GALNT2: variants seen among roughly 807,000 people sequenced by gnomAD.
GALNT2 encodes UDP-GalNAc:polypeptide N-acetylgalactosaminyltransferase 2.
GALNT2 carries 31 observed loss-of-function variants against 81.4 expected under a neutral mutation model. That is an observed-to-expected ratio of 0.38 (90% CI 0.29 to 0.51). The LOEUF (loss-of-function observed/expected upper bound fraction) is 0.51. Ranked by LOEUF, GALNT2 falls within the 20% of genes least tolerant of loss-of-function variation. The pLI is 0.87. For missense variants in GALNT2, 629 were observed against 765.7 expected, an observed-to-expected ratio of 0.82 and a Z score of 2.11; for synonymous variants, 303 against 287.4, an observed-to-expected ratio of 1.05 and a Z score of -0.55.
rs907642351 is a variant in GALNT2, at chr1:230,178,907, T to C, written c.220+596T>C. On this transcript the variant is annotated intron_variant, in intron 2 of 15. Transcript: ENST00000366672. ...AGTCGTTTCACTGCCTTAAGAGTCC[T>C]CCGTGCTCTGCCCATTCATCCTTTG... Among the ~76,000 whole-genome samples the C allele has an allele frequency of 1.3e-4, 19 of 151,266 alleles. 1 individual carries two copies. Among genetic ancestry groups the C allele is most frequent in the Middle Eastern group, 3.4e-3 (1 of 292 alleles).
chr1:230,164,545 T>C (rs535776125), intron 1 of GALNT2, among the ~76,000 whole-genome samples: 1 of 152,008 alleles, frequency 6.6e-6, no homozygotes, highest in Non-Finnish European at 1.5e-5. Context: ...TTTTTCTTTT[T>C]TTTTTTTTTA....
intron 3 of GALNT2, among the ~76,000 whole-genome samples, chr1:230,231,681 A>G (rs1158316475): frequency 6.6e-6 from 1 of 152,230 alleles, no homozygotes; most frequent in East Asian, 1.9e-4. Flanking sequence ...TCAGGTACTG[A>G]AAGCCATCTA....
upstream of GALNT2, among the ~76,000 whole-genome samples, chr1:230,066,976 C>T (rs1274549789): frequency 6.7e-6 from 1 of 149,476 alleles, no homozygotes; most frequent in Non-Finnish European, 1.5e-5. Flanking sequence ...CGCGGCAGTC[C>T]CCTCCCGCGG....
At chr1:230,060,522 T>TCAC (rs1034175616) in intron 1 of GALNT2, among the ~76,000 whole-genome samples, 1 of 151,476 alleles carries the variant, frequency 6.6e-6, no homozygotes, top group Non-Finnish European at 1.5e-5. Context: ...CCCCATCCCC[T>TCAC]CACCACCACC....
chr1:230,173,680 C>T (rs547165363), intron 1 of GALNT2, among the ~76,000 whole-genome samples: 54 of 152,344 alleles, frequency 3.5e-4, no homozygotes, highest in Middle Eastern at 3.4e-3. Flanking sequence ...AGGGAGAAAA[C>T]ACACAGATCT....
chr1:230,158,867 G>C (rs533266505), intron 1 of GALNT2, among the ~76,000 whole-genome samples: 1 of 152,190 alleles, frequency 6.6e-6, no homozygotes, highest in Non-Finnish European at 1.5e-5. Context: ...GTTTGCACAC[G>C]AGGTCGTGAA....
intron 11 of GALNT2, chr1:230,259,519 G>C (rs1199908908): frequency 6.6e-6 from 1 of 152,208 alleles, no homozygotes; most frequent in Non-Finnish European, 1.5e-5. Flanking sequence ...AGTTCACACA[G>C]AGCTGGCTAA....
Position 230,279,446 on chromosome 1 carries a change from C to G in GALNT2, c.1704C>G (p.Asn568Lys), listed in dbSNP as rs774891271. The change falls in exon 16 of 16, where the codon AAC becomes AAG. Residue 568 changes from asparagine (N) to lysine (K), a missense_variant. Physicochemically the swap from Asn to Lys is moderately conservative, Grantham distance 94. This residue lies in a region of GALNT2 where 207 missense variants were observed against 225.5 expected (regional missense o/e 0.92). Coordinates refer to ENST00000366672, the MANE Select transcript of GALNT2 (RefSeq NM_004481.5). This position sits in a 1 kb window ranked among gnomAD's most constrained non-coding sequence, Gnocchi z 4.6. The stretch of plus-strand genomic sequence containing the variant: ...CGCAGCAGTGGAAGTTCACGCTCAA[C>G]CTGCAGCAGTAGGAGGGTCCGGGAG... ...ALSQQWKFTL[N>K]LQQ 12 of 1,613,836 alleles carry G rather than the reference C, an allele frequency of 7.4e-6. No individual in the cohort carries two copies. In the African/African-American group the frequency reaches 1.5e-4, roughly 20 times the overall value.
At chr1:230,094,988 G>A (rs1660209405) in intron 1 of GALNT2, among the ~76,000 whole-genome samples, 1 of 152,208 alleles carries the variant, frequency 6.6e-6, no homozygotes, top group Admixed American at 6.5e-5. Flanking sequence ...CACGGGCCGC[G>A]ATGATGTCGT....
At chr1:230,167,791 T>A (rs1662658753) in intron 1 of GALNT2, among the ~76,000 whole-genome samples, 1 of 152,194 alleles carries the variant, frequency 6.6e-6, no homozygotes, top group Non-Finnish European at 1.5e-5. Flanking sequence ...CTGGCCTCCC[T>A]GCGGCTGCTC....
At position 230,087,936 on chromosome 1, in the gene GALNT2, C is replaced by T. The variant is rs16850881; in HGVS notation, c.126+20530C>T. On this transcript the variant is annotated intron_variant, in intron 1 of 15. Transcript: ENST00000366672. Reference sequence around the variant, plus strand: ...TGAGAATAATAAAAACGATGAACAGCAGATATTAAGTGACAGTTTAGAACA... The same window carrying T: ...TGAGAATAATAAAAACGATGAACAGTAGATATTAAGTGACAGTTTAGAACA... Among the ~76,000 whole-genome samples the T allele has an allele frequency of 7.6e-3, 1,154 of 152,210 alleles. 12 individuals carry two copies. Among genetic ancestry groups the T allele is most frequent in the African/African-American group, 0.026 (1,093 of 41,508 alleles).
At chr1:230,130,904 G>A (rs564040537) in intron 1 of GALNT2, among the ~76,000 whole-genome samples, 4 of 152,292 alleles carry the variant, frequency 2.6e-5, no homozygotes, top group Middle Eastern at 3.4e-3. Context: ...GCCCACACCC[G>A]TGACTGCCCT....
chr1:230,277,025 T>C (rs565914830), intron 15 of GALNT2, among the ~76,000 whole-genome samples: 1 of 152,264 alleles, frequency 6.6e-6, no homozygotes, highest in Non-Finnish European at 1.5e-5. Context: ...TCAATATTGC[T>C]TAATTTCAAG....
chr1:230,163,664 C>T (rs1364783294), intron 1 of GALNT2, among the ~76,000 whole-genome samples: 1 of 152,242 alleles, frequency 6.6e-6, no homozygotes, highest in Admixed American at 6.5e-5. Context: ...CAGCAGCTCA[C>T]TGTCTTTTCA....
At chr1:230,142,249 A>G (rs536891383) in intron 1 of GALNT2, among the ~76,000 whole-genome samples, 1 of 152,296 alleles carries the variant, frequency 6.6e-6, no homozygotes, top group Non-Finnish European at 1.5e-5. Flanking sequence ...AGGAAGCATA[A>G]GGGATGGCCT....
intron 1 of GALNT2, among the ~76,000 whole-genome samples, chr1:230,167,752 G>T (rs1419281349): frequency 1.3e-5 from 2 of 152,178 alleles, no homozygotes; most frequent in Non-Finnish European, 2.9e-5. Flanking sequence ...CAGGGCTGCA[G>T]CCTGGCCGGC....
chr1:230,246,221 C>A, intron 8 of GALNT2, 71 bp downstream of exon 8: 1 of 1,148,836 alleles, frequency 8.7e-7, no homozygotes, highest in Non-Finnish European at 1.3e-6. Context: ...CACTCCCTCT[C>A]ATTGTCAGGA....
chr1:230,273,426 G>A (rs1236450461), intron 14 of GALNT2, among the ~76,000 whole-genome samples: 1 of 152,200 alleles, frequency 6.6e-6, no homozygotes, highest in African/African-American at 2.4e-5. Flanking sequence ...GAAGGGGATG[G>A]AAGTGGATAG....
At chr1:230,100,933 G>A (rs1040190978) in intron 1 of GALNT2, among the ~76,000 whole-genome samples, 6 of 152,338 alleles carry the variant, frequency 3.9e-5, no homozygotes, top group Admixed American at 6.5e-5. Context: ...ATATATCACA[G>A]TGGTCCCGTA....
Sources: gnomAD v4.1 joint callset for allele counts (sites outside exome capture counted in the v4.1 genomes callset) on GRCh38, gnomAD v4.1.1 for gene constraint, gnomAD v4.1.1 regional missense constraint, Gnocchi (gnomAD v3.1) non-coding constraint, MANE v1.5 for transcripts, NCBI Gene and HGNC (gene_info 2026-07-23, HGNC 2026-07-21) for gene names.